Variants in ZNF69 observed in about 807,000 individuals in gnomAD.
ZNF69 encodes ZNF3.
ZNF69 carries 47 observed loss-of-function variants against 50.9 expected under a neutral mutation model. The ratio of observed to expected loss-of-function variants is 0.92; its 90% CI spans 0.73 to 1.18. The LOEUF is 1.18. ZNF69 is among the 50% of genes most tolerant of loss of function. The pLI is 0.00. For synonymous variants in ZNF69, 216 were observed against 223.1 expected (o/e 0.97, Z 0.29); for missense variants, 717 against 675.1 (o/e 1.06, Z -0.69).
chr19:11,979,800 G>A, the ZNF69 span: 29 of 1,575,376 alleles, frequency 1.8e-5, no homozygotes, highest in African/African-American at 3.7e-4. Flanking sequence ...CCCTATGAGT[G>A]TAAGGAATGT....
chr19:11,938,091 C>T, the ZNF69 span, among the ~76,000 whole-genome samples: 30 of 151,984 alleles, frequency 2.0e-4, no homozygotes, highest in Non-Finnish European at 4.0e-4. Flanking sequence ...CGTTTGGAGA[C>T]GGAGTCTCAC....
chr19:11,978,790 G>A, the ZNF69 span: 1 of 1,614,144 alleles, frequency 6.2e-7, no homozygotes, highest in Admixed American at 1.7e-5. Flanking sequence ...TGTAAACAAT[G>A]TGGCAAATCC....
the ZNF69 span, among the ~76,000 whole-genome samples, chr19:11,936,681 T>G: frequency 6.6e-6 from 1 of 152,208 alleles, no homozygotes; most frequent in African/African-American, 2.4e-5. Flanking sequence ...GTGCAGAAGC[T>G]CTTTAGTTTA....
At chr19:11,923,471 C>G in the ZNF69 span, among the ~76,000 whole-genome samples, 1 of 152,212 alleles carries the variant, frequency 6.6e-6, no homozygotes, top group East Asian at 1.9e-4. Context: ...CCCATCTCTG[C>G]TCTCCCGGGC....
At chr19:11,910,775 G>C (rs1382543505), downstream of ZNF69, among the ~76,000 whole-genome samples, 1 of 152,162 alleles carries the variant, frequency 6.6e-6, no homozygotes, top group East Asian at 1.9e-4. Context: ...AGGACTTCAT[G>C]ATTAAAACAC....
chr19:11,963,831 G>T, the ZNF69 span, among the ~76,000 whole-genome samples: 1 of 152,106 alleles, frequency 6.6e-6, no homozygotes, highest in Non-Finnish European at 1.5e-5. Flanking sequence ...TCCACATCCA[G>T]CTCCAGCTCT....
downstream of ZNF69, among the ~76,000 whole-genome samples, chr19:11,911,602 C>T (rs1196042473): frequency 6.6e-6 from 1 of 152,064 alleles, no homozygotes; most frequent in African/African-American, 2.4e-5. Flanking sequence ...TATTCTCACT[C>T]ATAGGAGAGA....
At chr19:11,929,356 G>A in the ZNF69 span, among the ~76,000 whole-genome samples, 1 of 147,984 alleles carries the variant, frequency 6.8e-6, no homozygotes, top group African/African-American at 2.6e-5. Flanking sequence ...TAAAGACAGG[G>A]TTTTACCACA....
downstream of ZNF69, among the ~76,000 whole-genome samples, chr19:11,915,198 C>G (rs1189819736): frequency 5.9e-5 from 9 of 151,418 alleles, no homozygotes; most frequent in Non-Finnish European, 1.0e-4. Context: ...CAGCGAGACT[C>G]TGTCTCCAGA....
intron 1 of ZNF69, among the ~76,000 whole-genome samples, chr19:11,890,047 C>T (rs765015792): frequency 6.6e-6 from 1 of 152,214 alleles, no homozygotes; most frequent in Non-Finnish European, 1.5e-5. Flanking sequence ...GCGGTTTTCT[C>T]CTATTTCAGA....
the ZNF69 span, chr19:11,949,689 A>G: frequency 1.9e-6 from 3 of 1,612,312 alleles, no homozygotes; most frequent in Non-Finnish European, 2.5e-6. Context: ...GATATCATGA[A>G]AGGACTCACA....
At chr19:11,909,702 A>T (rs1463981915), downstream of ZNF69, among the ~76,000 whole-genome samples, 1 of 152,200 alleles carries the variant, frequency 6.6e-6, no homozygotes, top group East Asian at 1.9e-4. Flanking sequence ...ACAAACCTAC[A>T]GTCAATATCA....
downstream of ZNF69, among the ~76,000 whole-genome samples, chr19:11,915,302 G>C (rs922558598): frequency 8.2e-4 from 125 of 152,228 alleles, 4 homozygotes; most frequent in Non-Finnish European, 1.5e-5. Flanking sequence ...TTTCACCAAA[G>C]AGTAGAAACA....
In ZNF69 at chr19:11,904,995, AC is replaced by A; in HGVS notation, c.599del (p.Thr200IlefsTer13). On this transcript the variant is annotated frameshift_variant, in exon 4 of 4. Coordinates refer to ENST00000429654, the MANE Select transcript of ZNF69 (RefSeq NM_001364730.1). LOFTEE classifies it high-confidence loss of function. Reference sequence around the variant, plus strand: ...CTATGCTTGTAAAGAATGTGGAAAAACTTTTATTTCCCATTCAAGCATTCAA... The same window carrying A: ...CTATGCTTGTAAAGAATGTGGAAAAATTTTATTTCCCATTCAAGCATTCAA... The part of the protein sequence containing the change: ...KPYACKECGK[T>X]FISHSSIQRH... 2.5e-6 allele frequency: 4 copies of A among 1,613,908 alleles called. No individual in the cohort carries two copies. The highest frequency in any genetic ancestry group is 3.4e-6 in the Non-Finnish European group (4 of 1,179,914).
chr19:11,946,853 A>G, the ZNF69 span: 2 of 244,642 alleles, frequency 8.2e-6, no homozygotes, highest in Non-Finnish European at 1.5e-5. Context: ...GGTAAAGGTC[A>G]CTCACGCGTG....
At chr19:11,907,474 T>C (rs1315207380), downstream of ZNF69, among the ~76,000 whole-genome samples, 1 of 152,226 alleles carries the variant, frequency 6.6e-6, no homozygotes, top group Admixed American at 6.5e-5. Context: ...ACAGCGGATC[T>C]CTTGGCAGAA....
chr19:11,892,168 T>C (rs1219620262), intron 1 of ZNF69, among the ~76,000 whole-genome samples: 1 of 138,392 alleles, frequency 7.2e-6, no homozygotes, highest in Non-Finnish European at 1.5e-5. Context: ...TGTATGCAGG[T>C]GGCATCTTGA....
the ZNF69 span, among the ~76,000 whole-genome samples, chr19:11,931,776 AT>A: frequency 6.7e-6 from 1 of 148,338 alleles, no homozygotes; most frequent in Non-Finnish European, 1.5e-5. Flanking sequence ...CATAATAATC[AT>A]TTTTTATCCT....
At chr19:11,949,223 A>G in the ZNF69 span, 11 of 1,613,196 alleles carry the variant, frequency 6.8e-6, no homozygotes, top group Admixed American at 3.3e-5. Context: ...AAAGCCTTCA[A>G]TCTTTCCAGT....
Sources: gnomAD v4.1 joint callset for allele counts (sites outside exome capture counted in the v4.1 genomes callset) on GRCh38, gnomAD v4.1.1 for gene constraint, MANE v1.5 for transcripts, NCBI Gene and HGNC (gene_info 2026-07-23, HGNC 2026-07-21) for gene names.